The following CCDC171 variants were observed in gnomAD, a reference collection of about 807,000 sequenced individuals.
CCDC171 encodes the protein coiled-coil domain-containing protein 171.
CCDC171 carries 177 observed loss-of-function variants against 168.2 expected under a neutral mutation model. That is an observed-to-expected ratio of 1.05 (90% confidence interval 0.93 to 1.19). CCDC171 has a LOEUF of 1.19. Ranked by LOEUF, CCDC171 falls within the 50% of genes most tolerant of loss-of-function variation. The probability of loss-of-function intolerance (pLI) is 0.00; values close to 1 mark genes in which losing one functional copy is unlikely to be tolerated. For synonymous variants in CCDC171, 687 were observed against 540.8 expected (o/e 1.27, Z -3.75); for missense variants, 1,991 against 1,539.0 (o/e 1.29, Z -4.91).
the CCDC171 span, among the ~76,000 whole-genome samples, chr9:16,071,131 G>C: frequency 6.6e-6 from 1 of 152,210 alleles, no homozygotes; most frequent in Non-Finnish European, 1.5e-5. Flanking sequence ...ATCCACAGGA[G>C]AGAGGGAGGC....
At chr9:15,695,459 A>G (rs1451277986) in intron 11 of CCDC171, 122 bp downstream of exon 11, 2 of 761,738 alleles carry the variant, frequency 2.6e-6, no homozygotes, top group Non-Finnish European at 4.6e-6. Context: ...TGATGACATG[A>G]TAAGAGCAGT....
At chr9:16,006,385 C>T (rs189018670) in intron 3 of CCDC171, among the ~76,000 whole-genome samples, 13 of 152,122 alleles carry the variant, frequency 8.5e-5, no homozygotes, top group East Asian at 5.8e-4. Flanking sequence ...ATGAGCTATT[C>T]GTATATCTTT....
chr9:15,800,976 T>C (rs1588582736), intron 21 of CCDC171, among the ~76,000 whole-genome samples: 1 of 152,124 alleles, frequency 6.6e-6, no homozygotes, highest in East Asian at 1.9e-4. Context: ...TCTGTGTCTG[T>C]TTTTATGCCA....
At chr9:16,088,397 AT>A in the CCDC171 span, among the ~76,000 whole-genome samples, 1 of 152,168 alleles carries the variant, frequency 6.6e-6, no homozygotes, top group African/African-American at 2.4e-5. Context: ...AAAGAAATAA[AT>A]GTATTCAGAT....
chr9:15,640,389 C>T (rs1004498437), intron 7 of CCDC171, among the ~76,000 whole-genome samples: 3 of 151,674 alleles, frequency 2.0e-5, no homozygotes, highest in African/African-American at 4.8e-5. Context: ...AGGAGAGCTA[C>T]TTAAAAAAAA....
chr9:15,727,819 C>T (rs2053905735), intron 14 of CCDC171, 50 bp from the exon 15 acceptor site: 1 of 1,444,948 alleles, frequency 6.9e-7, no homozygotes, highest in Non-Finnish European at 9.4e-7. Context: ...TATTTTACTT[C>T]TTACAATGTT....
chr9:15,827,452 G>A (rs144774394), intron 21 of CCDC171, among the ~76,000 whole-genome samples: 1 of 152,170 alleles, frequency 6.6e-6, no homozygotes, highest in African/African-American at 2.4e-5. Context: ...CTAGGTTGAA[G>A]ATTGAAGCTT....
intron 21 of CCDC171, chr9:15,845,783 G>T (rs573635157): frequency 6.6e-6 from 1 of 152,052 alleles, no homozygotes; most frequent in African/African-American, 2.4e-5. Context: ...AATTTTTTCG[G>T]CAAAGGAGTA....
At position 15,973,647 on chromosome 9, in the gene CCDC171, A is replaced by G. The variant is rs547694108; in HGVS notation, c.*1811A>G. On this transcript the variant is annotated 3_prime_UTR_variant, in exon 26 of 26. Transcript: ENST00000380701. The stretch of plus-strand genomic sequence containing the variant: ...GTGTAACATGACCTGTATGAAATTC[A>G]ACTTGCAAATTTATTATAACATGGA... 2.0e-5 allele frequency: 3 copies of G among 152,320 alleles called. No individual in the cohort carries two copies. The South Asian group carries it at 6.2e-4, about 32-fold the overall frequency. 9.4% of individuals were successfully genotyped at this position (152,320 alleles called of 1,614,324 possible).
rs555146476 is a variant in CCDC171 at position 15,931,858 on chromosome 9, A to T, written c.3753+11436A>T. 9.2e-5 allele frequency among the ~76,000 whole-genome samples: 14 copies of T among 151,706 alleles called. No individual in the cohort carries two copies. The South Asian group carries it at 2.7e-3, about 29-fold the overall frequency. ...TACATGTGGATATTTAGTTTTCCCA[A>T]TACTATTTATTGAAGAGATTGTCCT... On this transcript the variant is annotated intron_variant, in intron 25 of 25. Coordinates refer to ENST00000380701, the MANE Select transcript of CCDC171 (RefSeq NM_173550.4).
At chr9:15,713,315 ATTTT>A (rs3082816) in intron 11 of CCDC171, among the ~76,000 whole-genome samples, 1 of 149,676 alleles carries the variant, frequency 6.7e-6, no homozygotes, top group African/African-American at 2.5e-5. Context: ...AACCAAGCCC[ATTTT>A]TTTTTTTTTC....
chr9:15,865,511 C>CCCCTCG (rs1209558640), intron 23 of CCDC171, among the ~76,000 whole-genome samples: 1 of 151,948 alleles, frequency 6.6e-6, no homozygotes, highest in Non-Finnish European at 1.5e-5. Context: ...CCAACCCCTC[C>CCCCTCG]TCTTCCTTCT....
At chr9:15,598,508 G>T (rs971023770) in intron 6 of CCDC171, among the ~76,000 whole-genome samples, 3 of 152,138 alleles carry the variant, frequency 2.0e-5, no homozygotes, top group Non-Finnish European at 2.9e-5. Context: ...AGTGTGGTCT[G>T]AGAGACAGTT....
At chr9:15,892,404 A>T (rs2131513155) in intron 24 of CCDC171, among the ~76,000 whole-genome samples, 1 of 152,224 alleles carries the variant, frequency 6.6e-6, no homozygotes, top group African/African-American at 2.4e-5. Context: ...GTGAGTTTTT[A>T]ACATGCAGGG....
At chr9:15,576,891 T>C (rs1195115293) in intron 3 of CCDC171, among the ~76,000 whole-genome samples, 1 of 152,170 alleles carries the variant, frequency 6.6e-6, no homozygotes, top group Non-Finnish European at 1.5e-5. Context: ...CTCTTGCAAA[T>C]CCTCCTGCAA....
chr9:15,628,158 G>T (rs1015242771), intron 7 of CCDC171, among the ~76,000 whole-genome samples: 3 of 152,156 alleles, frequency 2.0e-5, no homozygotes, highest in Non-Finnish European at 4.4e-5. Flanking sequence ...TCTCACTAGG[G>T]AGTGCCAGAC....
At chr9:15,875,636 TTTTAG>T (rs553002662) in intron 24 of CCDC171, 60 of 152,158 alleles carry the variant, frequency 3.9e-4, no homozygotes, top group African/African-American at 1.4e-3. Flanking sequence ...ATCTTTTTCA[TTTTAG>T]TTTATGACCC....
intron 23 of CCDC171, 38 bp downstream of exon 23, chr9:15,848,985 C>A: frequency 9.5e-7 from 1 of 1,055,382 alleles, no homozygotes; most frequent in Non-Finnish European, 1.4e-6. Context: ...CAATTTGTGT[C>A]ATGACACCTA....
In CCDC171 at chr9:16,003,332, A is replaced by G. The variant is rs540428119; in HGVS notation, n.369-17257A>G. 3.9e-5 allele frequency among the ~76,000 whole-genome samples: 6 copies of G among 152,304 alleles called. No individual in the cohort carries two copies. In the East Asian group the frequency reaches 1.2e-3, roughly 29 times the overall value. Reference sequence around the variant, plus strand: ...CAATGCCAAAGATTTTATGACTAAGATCAGAGTTCCTGTTTCAACAATCAA... The same window carrying G: ...CAATGCCAAAGATTTTATGACTAAGGTCAGAGTTCCTGTTTCAACAATCAA... On this transcript the variant is annotated intron_variant and non_coding_transcript_variant, in intron 3 of 9. Coordinates refer to the CCDC171 transcript ENST00000486641.
Sources: allele counts gnomAD v4.1 joint callset (sites outside exome capture counted in the v4.1 genomes callset), GRCh38; gene constraint gnomAD v4.1.1; transcripts MANE v1.5; gene names NCBI Gene and HGNC (gene_info 2026-07-23, HGNC 2026-07-21).